Variants in EBF1 observed in about 807,000 individuals in gnomAD.
EBF1 encodes the protein transcription factor COE1.
A neutral mutation model predicts 68.4 loss-of-function variants in EBF1; 10 were observed. That is an observed-to-expected ratio of 0.15 (90% CI 0.09 to 0.25). The LOEUF is 0.25. Ranked by LOEUF, EBF1 falls within the 10% of genes least tolerant of loss-of-function variation. EBF1 has a pLI of 1.00. For synonymous variants in EBF1, 298 were observed against 299.8 expected (o/e 0.99, Z 0.06); for missense variants, 509 against 794.4 (o/e 0.64, Z 4.32).
chr5:158,935,589 G>T (rs900535716), intron 6 of EBF1, among the ~76,000 whole-genome samples: 3 of 152,094 alleles, frequency 2.0e-5, no homozygotes, highest in African/African-American at 7.2e-5. Flanking sequence ...TCCCAAAAAA[G>T]GCATTTATCA....
At chr5:159,004,264 G>A (rs1561768081) in intron 6 of EBF1, among the ~76,000 whole-genome samples, 4 of 138,048 alleles carry the variant, frequency 2.9e-5, no homozygotes, top group East Asian at 4.1e-4. Context: ...TGACAAGAGC[G>A]AGACTCCATC....
At chr5:158,852,169 CA>C (rs113252656) in intron 6 of EBF1, among the ~76,000 whole-genome samples, 51,083 of 132,284 alleles carry the variant, frequency 0.39, 9,284 homozygotes, top group South Asian at 0.6. Context: ...ACTTTTCAAC[CA>C]AAAAAAAAAG....
At chr5:158,736,814 A>C (rs1313988902) in intron 10 of EBF1, among the ~76,000 whole-genome samples, 1 of 152,254 alleles carries the variant, frequency 6.6e-6, no homozygotes, top group African/African-American at 2.4e-5. Flanking sequence ...ACAATAAAAC[A>C]GCAAGTTATC....
At chr5:158,869,699 CT>C (rs1217606430) in intron 6 of EBF1, among the ~76,000 whole-genome samples, 2 of 152,132 alleles carry the variant, frequency 1.3e-5, no homozygotes, top group African/African-American at 4.8e-5. Flanking sequence ...TTTCACTTCA[CT>C]CTGCCTTTTC....
At chr5:158,721,065 G>T (rs537253370) in intron 11 of EBF1, among the ~76,000 whole-genome samples, 1 of 152,234 alleles carries the variant, frequency 6.6e-6, no homozygotes, top group African/African-American at 2.4e-5. Flanking sequence ...TTTTGAAAGA[G>T]TCTACTGCTA....
At chr5:158,726,941 G>T (rs576318945) in intron 11 of EBF1, among the ~76,000 whole-genome samples, 3 of 152,324 alleles carry the variant, frequency 2.0e-5, no homozygotes, top group African/African-American at 7.2e-5. Context: ...GCAGGGATTA[G>T]TGGCCCCCAT....
At chr5:158,873,058 C>G (rs1244533747) in intron 6 of EBF1, among the ~76,000 whole-genome samples, 6 of 119,578 alleles carry the variant, frequency 5.0e-5, no homozygotes, top group Non-Finnish European at 8.1e-5. Flanking sequence ...TCCACAATGG[C>G]TTAAAACAAC....
chr5:158,819,754 T>C lies in EBF1; in HGVS notation c.778+3422A>G, dbSNP rs1355234074. ...TGTCTCCACGACTGTACATCTTCCA[T>C]AAAGCTATTGCTTAAAGAAGAAACC... On this transcript the variant is annotated intron_variant, in intron 8 of 15. Coordinates refer to ENST00000313708, the MANE Select transcript of EBF1 (RefSeq NM_024007.5). 2.0e-5 allele frequency among the ~76,000 whole-genome samples: 3 copies of C among 152,334 alleles called. No homozygotes were observed. The East Asian group carries it at 5.8e-4, about 29-fold the overall frequency.
chr5:158,894,570 G>A (rs1801815314), intron 6 of EBF1, among the ~76,000 whole-genome samples: 1 of 152,164 alleles, frequency 6.6e-6, no homozygotes, highest in South Asian at 2.1e-4. Context: ...GGCATGTAGA[G>A]TGACCCATCC....
intron 8 of EBF1, among the ~76,000 whole-genome samples, chr5:158,799,457 A>G (rs1780191983): frequency 6.6e-6 from 1 of 152,062 alleles, no homozygotes; most frequent in Admixed American, 6.6e-5. Context: ...AAATTAAAGA[A>G]TGCTAAGTAT....
chr5:158,900,727 C>T (rs1388710571), intron 6 of EBF1, among the ~76,000 whole-genome samples: 1 of 152,154 alleles, frequency 6.6e-6, no homozygotes, highest in East Asian at 1.9e-4. Flanking sequence ...TTATTGGGCA[C>T]CAGGCGTTAC....
chr5:159,042,860 TAAAA>T (rs35868531), intron 6 of EBF1, among the ~76,000 whole-genome samples: 1 of 147,900 alleles, frequency 6.8e-6, no homozygotes, highest in African/African-American at 2.5e-5. Context: ...ACATTCACAG[TAAAA>T]AAAAAAAAAT....
At chr5:158,814,394 T>C (rs1322346644) in intron 8 of EBF1, among the ~76,000 whole-genome samples, 1 of 152,112 alleles carries the variant, frequency 6.6e-6, no homozygotes, top group Non-Finnish European at 1.5e-5. Flanking sequence ...GGCCAAAATA[T>C]AAGTAGAAAG....
chr5:158,754,260 C>T (rs1460910418), intron 10 of EBF1, among the ~76,000 whole-genome samples: 1 of 152,064 alleles, frequency 6.6e-6, no homozygotes, highest in East Asian at 1.9e-4. Flanking sequence ...AATATAAAAG[C>T]TGACTTTTCC....
chr5:158,931,099 G>A (rs1430542909), intron 6 of EBF1, among the ~76,000 whole-genome samples: 1 of 152,204 alleles, frequency 6.6e-6, no homozygotes, highest in African/African-American at 2.4e-5. Context: ...CAAAGCAGCA[G>A]GTCCAGTCCC....
intron 7 of EBF1, among the ~76,000 whole-genome samples, chr5:158,831,277 T>A (rs1156875203): frequency 6.6e-6 from 1 of 152,110 alleles, no homozygotes; most frequent in Non-Finnish European, 1.5e-5. Context: ...GGCATATTGG[T>A]CAATGGCTCA....
Position 158,952,345 on chromosome 5 carries a change from C to T in EBF1, c.555-112235G>A, listed in dbSNP as rs58640380. ...TAAGTCTAGATAAGGACATTATATT[C>T]CACGGCACAAAGGGTGACTGAGATG... On this transcript the variant is annotated intron_variant, in intron 6 of 15. Coordinates refer to ENST00000313708, the MANE Select transcript of EBF1 (RefSeq NM_024007.5). 3.1e-3 allele frequency among the ~76,000 whole-genome samples: 472 copies of T among 152,240 alleles called. 1 individual carries two copies. The highest frequency in any genetic ancestry group is 0.011 in the African/African-American group (449 of 41,520).
At chr5:158,727,023 C>G (rs1037097240) in intron 11 of EBF1, among the ~76,000 whole-genome samples, 1 of 152,218 alleles carries the variant, frequency 6.6e-6, no homozygotes, top group Non-Finnish European at 1.5e-5. Flanking sequence ...GACAACAATG[C>G]CGTGAGGCAG....
chr5:158,913,710 C>T (rs890180483), intron 6 of EBF1, among the ~76,000 whole-genome samples: 2 of 152,174 alleles, frequency 1.3e-5, no homozygotes, highest in Non-Finnish European at 2.9e-5. Context: ...CTCTGCCTCT[C>T]GGACACCTAC....
Sources: gnomAD v4.1 joint callset for allele counts (sites outside exome capture counted in the v4.1 genomes callset) on GRCh38, gnomAD v4.1.1 for gene constraint, MANE v1.5 for transcripts, NCBI Gene and HGNC (gene_info 2026-07-23, HGNC 2026-07-21) for gene names.